Variants in FSHR observed in about 807,000 individuals in gnomAD.
FSHR encodes the protein follicle-stimulating hormone receptor.
In FSHR, 46 loss-of-function variants were observed where a neutral mutation model predicts 52.1. That is an observed-to-expected ratio of 0.88 (90% confidence interval 0.70 to 1.13). FSHR has a LOEUF of 1.13. Among genes scored for constraint, FSHR ranks in the 50% most tolerant of loss-of-function variants. The pLI, the probability that FSHR is intolerant of heterozygous loss-of-function variation, is 0.00. For synonymous variants in FSHR, 399 were observed against 309.6 expected, an observed-to-expected ratio of 1.29 and a Z score of -3.03; for missense variants, 964 against 834.6, an observed-to-expected ratio of 1.16 and a Z score of -1.91.
At chr2:48,983,987 G>A (rs1222901156) in intron 6 of FSHR, among the ~76,000 whole-genome samples, 2 of 152,122 alleles carry the variant, frequency 1.3e-5, no homozygotes, top group African/African-American at 4.8e-5. Flanking sequence ...AGATACCAAG[G>A]TCAGGAGAGC....
chr2:49,044,138 C>T (rs1196260767), intron 2 of FSHR, among the ~76,000 whole-genome samples: 1 of 152,194 alleles, frequency 6.6e-6, no homozygotes, highest in Admixed American at 6.5e-5. Context: ...ATATGGAAGA[C>T]TGGCAGCGAT....
chr2:49,119,650 T>G (rs1317347999), intron 1 of FSHR, among the ~76,000 whole-genome samples: 1 of 152,298 alleles, frequency 6.6e-6, no homozygotes, highest in Admixed American at 6.5e-5. Context: ...TTAGAACAGA[T>G]TACCACTGAA....
intron 2 of FSHR, among the ~76,000 whole-genome samples, chr2:49,031,381 G>A (rs1668097653): frequency 6.6e-6 from 1 of 152,172 alleles, no homozygotes; most frequent in Non-Finnish European, 1.5e-5. Flanking sequence ...TTTTTCCAAT[G>A]ACCCTGAAAT....
At chr2:49,115,576 AT>A (rs1451676224) in intron 1 of FSHR, among the ~76,000 whole-genome samples, 1 of 152,092 alleles carries the variant, frequency 6.6e-6, no homozygotes, top group Non-Finnish European at 1.5e-5. Flanking sequence ...ATTTTAGGTA[AT>A]TTTTTTAGTG....
At chr2:49,103,404 A>C (rs1248829509) in intron 1 of FSHR, among the ~76,000 whole-genome samples, 1 of 152,198 alleles carries the variant, frequency 6.6e-6, no homozygotes, top group East Asian at 1.9e-4. Flanking sequence ...TTTAGAAACA[A>C]ACGTAAGGCC....
intron 1 of FSHR, among the ~76,000 whole-genome samples, chr2:49,140,714 AG>A (rs202099953): frequency 7.9e-5 from 12 of 151,292 alleles, no homozygotes; most frequent in East Asian, 3.9e-4. Context: ...AAAAAAAGAG[AG>A]AAAAAAAAAA....
chr2:49,074,783 A>G lies in FSHR; in HGVS notation c.153-6493T>C, dbSNP rs566296703. Reference sequence around the variant, plus strand: ...GGTATGGAATCAACCTAGTTGTCCAACAGATAAATGGATAAAGCAAATGCG... The same window carrying G: ...GGTATGGAATCAACCTAGTTGTCCAGCAGATAAATGGATAAAGCAAATGCG... On this transcript the variant is annotated intron_variant, in intron 1 of 9. Transcript: ENST00000406846. Among the ~76,000 whole-genome samples, 7 of 152,238 alleles carry G rather than the reference A, an allele frequency of 4.6e-5. No individual in the cohort carries two copies. The South Asian group carries it at 1.5e-3, about 32-fold the overall frequency.
At chr2:49,033,770 GTC>G (rs1162368298) in intron 2 of FSHR, among the ~76,000 whole-genome samples, 1 of 152,032 alleles carries the variant, frequency 6.6e-6, no homozygotes, top group Non-Finnish European at 1.5e-5. Context: ...GAGGACTAAA[GTC>G]TGTTTGGAGG....
chr2:49,096,995 T>C (rs1268588569), intron 1 of FSHR, among the ~76,000 whole-genome samples: 2 of 152,192 alleles, frequency 1.3e-5, no homozygotes, highest in Non-Finnish European at 2.9e-5. Flanking sequence ...GCCAGCACTG[T>C]GCCTCTTGTA....
chr2:48,999,798 A>G (rs1676176344), intron 4 of FSHR, among the ~76,000 whole-genome samples: 2 of 152,070 alleles, frequency 1.3e-5, no homozygotes, highest in Admixed American at 6.6e-5. Context: ...TAAGTTTCCA[A>G]GAGAAGGAAA....
At chr2:49,125,556 T>A (rs1371791189) in intron 1 of FSHR, among the ~76,000 whole-genome samples, 4 of 152,228 alleles carry the variant, frequency 2.6e-5, no homozygotes, top group Non-Finnish European at 4.4e-5. Context: ...TGTTCTCTGC[T>A]GCATCTCCAG....
chr2:49,062,867 C>T (rs1262831441), intron 2 of FSHR, among the ~76,000 whole-genome samples: 3 of 151,888 alleles, frequency 2.0e-5, no homozygotes, highest in Non-Finnish European at 4.4e-5. Flanking sequence ...TCTCATCTTA[C>T]CCCAGTGAAA....
chr2:49,125,134 C>T (rs1280877453), intron 1 of FSHR, among the ~76,000 whole-genome samples: 1 of 152,178 alleles, frequency 6.6e-6, no homozygotes, highest in East Asian at 1.9e-4. Context: ...GCTTCCTGGA[C>T]AGTGTATCTA....
At chr2:49,124,599 C>A (rs1467386527) in intron 1 of FSHR, among the ~76,000 whole-genome samples, 1 of 151,892 alleles carries the variant, frequency 6.6e-6, no homozygotes, top group Non-Finnish European at 1.5e-5. Context: ...AATTTTGACA[C>A]TATTTTCTCT....
At chr2:49,085,009 T>A (rs1670320506) in intron 1 of FSHR, among the ~76,000 whole-genome samples, 1 of 152,066 alleles carries the variant, frequency 6.6e-6, no homozygotes, top group Non-Finnish European at 1.5e-5. Context: ...GCCAGCATCA[T>A]CCTGATACCA....
At chr2:49,049,190 A>G (rs1264360976) in intron 2 of FSHR, among the ~76,000 whole-genome samples, 6 of 80,332 alleles carry the variant, frequency 7.5e-5, no homozygotes, top group Admixed American at 2.6e-4. Flanking sequence ...GCAAGGAGGA[A>G]AAAAAAAAGG....
intron 2 of FSHR, among the ~76,000 whole-genome samples, chr2:49,051,624 CATT>C (rs771183696): frequency 1.3e-5 from 2 of 151,898 alleles, no homozygotes; most frequent in African/African-American, 4.8e-5. Context: ...TATTTTCTCT[CATT>C]ATGTGATTTG....
chr2:49,145,638 G>A (rs973593425), intron 1 of FSHR, among the ~76,000 whole-genome samples: 1 of 152,088 alleles, frequency 6.6e-6, no homozygotes, highest in Non-Finnish European at 1.5e-5. Context: ...ACTATTCTGA[G>A]TTCTGAGAGA....
intron 1 of FSHR, among the ~76,000 whole-genome samples, chr2:49,150,900 A>C (rs1243019136): frequency 6.6e-6 from 1 of 151,944 alleles, no homozygotes; most frequent in Non-Finnish European, 1.5e-5. Flanking sequence ...TAAGCTAAAA[A>C]TCTTTCTCAC....
Sources: gnomAD v4.1 joint callset for allele counts (sites outside exome capture counted in the v4.1 genomes callset) on GRCh38, gnomAD v4.1.1 for gene constraint, MANE v1.5 for transcripts, NCBI Gene and HGNC (gene_info 2026-07-23, HGNC 2026-07-21) for gene names.